MBTD1: variants seen among roughly 807,000 people sequenced by gnomAD.
MBTD1 encodes MBT domain-containing protein 1.
A neutral mutation model predicts 87.8 loss-of-function variants in MBTD1; 24 were observed. That is an observed-to-expected ratio of 0.27 (90% CI 0.20 to 0.38). MBTD1 has a LOEUF of 0.38. MBTD1 is among the 10% of genes least tolerant of loss of function. MBTD1 has a pLI of 1.00. For missense variants in MBTD1, 436 were observed against 760.2 expected (o/e 0.57, Z 5.02); for synonymous variants, 237 against 248.6 (o/e 0.95, Z 0.44).
rs1568136078 is a variant in MBTD1, at chr17:51,179,512, A to ATATATATT, written c.*1063_*1064insAATATATA. The ATATATATT allele has an allele frequency of 6.2e-5, 6 of 97,028 alleles. No individual in the cohort carries two copies. Among genetic ancestry groups the ATATATATT allele is most frequent in the African/African-American group, 1.6e-4 (4 of 25,364 alleles). 6.0% of individuals were successfully genotyped at this position (97,028 alleles called of 1,614,324 possible). A position where few individuals can be genotyped will look rare whatever the true frequency, so the allele number is the denominator to read the frequency against. On this transcript the variant is annotated 3_prime_UTR_variant, in exon 17 of 17. Coordinates refer to ENST00000586178, the MANE Select transcript of MBTD1 (RefSeq NM_017643.3). ...TATATATATATATATATATATATAT[A>ATATATATT]TATATATATATATATATATATATAT...
chr17:51,251,926 G>A (rs775562934), intron 2 of MBTD1, among the ~76,000 whole-genome samples: 4 of 152,076 alleles, frequency 2.6e-5, no homozygotes, highest in Non-Finnish European at 5.9e-5. Flanking sequence ...CACAACACCT[G>A]GGTAATTTTT....
chr17:51,260,553 G>A, upstream of MBTD1: 2 of 1,594,606 alleles, frequency 1.3e-6, no homozygotes, highest in Non-Finnish European at 1.7e-6. Context: ...GAGGTTCCAC[G>A]TGAGCGCCTG....
intron 6 of MBTD1, among the ~76,000 whole-genome samples, chr17:51,213,827 CA>C: frequency 6.6e-6 from 1 of 151,744 alleles, no homozygotes; most frequent in Middle Eastern, 3.4e-3. Flanking sequence ...TCTGCCAGAA[CA>C]ATCAACGCAG....
At chr17:51,195,469 C>A in intron 12 of MBTD1, 108 bp from the exon 13 acceptor site, 1 of 746,202 alleles carries the variant, frequency 1.3e-6, no homozygotes, top group Non-Finnish European at 2.1e-6. Flanking sequence ...AAGGTCTCTT[C>A]AAAGTGAAAC....
intron 6 of MBTD1, among the ~76,000 whole-genome samples, chr17:51,215,319 T>C (rs558488222): frequency 1.1e-4 from 17 of 152,320 alleles, no homozygotes; most frequent in African/African-American, 3.6e-4. Flanking sequence ...CCATAGAGAT[T>C]TTCTCATAAA....
At chr17:51,211,012 C>T (rs2052168558) in intron 6 of MBTD1, among the ~76,000 whole-genome samples, 1 of 151,796 alleles carries the variant, frequency 6.6e-6, no homozygotes, top group Admixed American at 6.6e-5. Context: ...TGGCACGCAC[C>T]TGTAGTCCCA....
At chr17:51,223,533 TCAA>T (rs890952409) in intron 3 of MBTD1, among the ~76,000 whole-genome samples, 17 of 149,102 alleles carry the variant, frequency 1.1e-4, no homozygotes, top group South Asian at 2.1e-4. Context: ...CAAGACTGTC[TCAA>T]CAACAACAAC....
At chr17:51,223,182 C>A (rs1404782458) in intron 3 of MBTD1, among the ~76,000 whole-genome samples, 1 of 151,762 alleles carries the variant, frequency 6.6e-6, no homozygotes, top group Non-Finnish European at 1.5e-5. Flanking sequence ...TGATATAAAA[C>A]TGGAAGATTA....
chr17:51,254,536 A>G (rs776712214), intron 2 of MBTD1, among the ~76,000 whole-genome samples: 1 of 152,226 alleles, frequency 6.6e-6, no homozygotes, highest in Non-Finnish European at 1.5e-5. Context: ...CTACATAGCA[A>G]TATTTTAAGA....
intron 2 of MBTD1, among the ~76,000 whole-genome samples, chr17:51,232,677 A>G (rs1453598749): frequency 6.6e-6 from 1 of 152,040 alleles, no homozygotes; most frequent in Non-Finnish European, 1.5e-5. Context: ...TTCTTAAAGG[A>G]GTGAGTATGG....
At chr17:51,201,784 G>A in intron 11 of MBTD1, 88 bp from the exon 12 acceptor site, 1 of 953,804 alleles carries the variant, frequency 1.0e-6, no homozygotes, top group East Asian at 2.4e-5. Context: ...GATTTACCAG[G>A]TGCCTTCTCC....
At position 51,231,871 on chromosome 17, in the gene MBTD1, T is replaced by A. The variant is rs183423463; in HGVS notation, c.-48-6662A>T. Among the ~76,000 whole-genome samples, 17 of 152,168 alleles carry A rather than the reference T, an allele frequency of 1.1e-4. 2 individuals are homozygous for A. Among genetic ancestry groups the A allele is most frequent in the African/African-American group, 3.6e-4 (15 of 41,540 alleles). On this transcript the variant is annotated intron_variant, in intron 2 of 16. Transcript: ENST00000586178. ...CAGTGACTTATCTAAGTTTTTTTTTTATATATACATTAGGATAGAATACCA... is the reference window on the plus strand; with the variant it reads ...CAGTGACTTATCTAAGTTTTTTTTTAATATATACATTAGGATAGAATACCA...
At chr17:51,249,380 GTTT>G (rs1598434484) in intron 2 of MBTD1, among the ~76,000 whole-genome samples, 1 of 152,082 alleles carries the variant, frequency 6.6e-6, no homozygotes. Flanking sequence ...CCTAATTTTA[GTTT>G]TTTATTTCTT....
At chr17:51,187,792 C>A (rs537193742) in intron 16 of MBTD1, among the ~76,000 whole-genome samples, 1 of 149,254 alleles carries the variant, frequency 6.7e-6, no homozygotes, top group African/African-American at 2.5e-5. Flanking sequence ...GAGGTTGTGG[C>A]GAGCCGACAG....
intron 2 of MBTD1, among the ~76,000 whole-genome samples, chr17:51,232,246 T>C (rs1207084447): frequency 1.3e-5 from 2 of 152,146 alleles, no homozygotes; most frequent in Non-Finnish European, 2.9e-5. Flanking sequence ...TGCCCTTTGA[T>C]ACCTAGCAGA....
At chr17:51,216,013 C>A (rs1172865223) in intron 6 of MBTD1, among the ~76,000 whole-genome samples, 1 of 144,118 alleles carries the variant, frequency 6.9e-6, no homozygotes, top group Non-Finnish European at 1.5e-5. Flanking sequence ...CTCACTGCAA[C>A]CTCTGCCTCC....
rs2050212047 is a variant in MBTD1, at chr17:51,179,494, A to ATATATATATATATTTATATT, written c.*1081_*1082insAATATAAATATATATATATA. The ATATATATATATATTTATATT allele has an allele frequency of 5.1e-4, 21 of 41,458 alleles. 2 individuals carry two copies. The highest frequency in any genetic ancestry group is 6.8e-4 in the Non-Finnish European group (14 of 20,704). 2.6% of individuals were successfully genotyped at this position (41,458 alleles called of 1,614,324 possible). ...CAATTAAAGACAATTTTATATATAT[A>ATATATATATATATTTATATT]TATATATATATATATATATATATAT... On this transcript the variant is annotated 3_prime_UTR_variant, in exon 17 of 17. Coordinates refer to ENST00000586178, the MANE Select transcript of MBTD1 (RefSeq NM_017643.3).
rs1568135884 is a variant in MBTD1, at chr17:51,179,504, A to ATATATTTATATT, written c.*1071_*1072insAATATAAATATA. 2.4e-4 allele frequency: 19 copies of ATATATTTATATT among 80,184 alleles called. No homozygotes were observed. The highest frequency in any genetic ancestry group is 8.8e-4 in the African/African-American group (18 of 20,538). 5.0% of individuals were successfully genotyped at this position (80,184 alleles called of 1,614,324 possible). On this transcript the variant is annotated 3_prime_UTR_variant, in exon 17 of 17. Coordinates refer to ENST00000586178, the MANE Select transcript of MBTD1 (RefSeq NM_017643.3). ...CAATTTTATATATATATATATATAT[A>ATATATTTATATT]TATATATATATATATATATATATAT...
chr17:51,185,488 C>T (rs772113855), intron 16 of MBTD1: 1 of 152,228 alleles, frequency 6.6e-6, no homozygotes, highest in Non-Finnish European at 1.5e-5. Context: ...CATACATAAT[C>T]ATGAACTTAT....
Sources: gnomAD v4.1 joint callset for allele counts (sites outside exome capture counted in the v4.1 genomes callset) on GRCh38, gnomAD v4.1.1 for gene constraint, MANE v1.5 for transcripts, NCBI Gene and HGNC (gene_info 2026-07-23, HGNC 2026-07-21) for gene names.